The following CACNA2D2 variants were observed in gnomAD, a reference collection of about 807,000 sequenced individuals.
CACNA2D2 encodes the protein voltage-dependent calcium channel subunit alpha-2/delta-2.
CACNA2D2 carries 48 observed loss-of-function variants against 166.4 expected under a neutral mutation model. The ratio of observed to expected loss-of-function variants is 0.29; its 90% CI spans 0.23 to 0.37. The LOEUF (loss-of-function observed/expected upper bound fraction) is 0.37, where lower values mean the gene tolerates loss of function less well. Ranked by LOEUF, CACNA2D2 falls within the 10% of genes least tolerant of loss-of-function variation. CACNA2D2 has a pLI of 1.00. For synonymous variants in CACNA2D2, 561 were observed against 573.7 expected, an observed-to-expected ratio of 0.98 and a Z score of 0.32; for missense variants, 1,122 against 1,433.0, an observed-to-expected ratio of 0.78 and a Z score of 3.50.
intron 3 of CACNA2D2, among the ~76,000 whole-genome samples, chr3:50,432,588 C>T (rs1708122624): frequency 6.6e-6 from 1 of 152,168 alleles, no homozygotes; most frequent in Admixed American, 6.5e-5. Flanking sequence ...GAAGGTGGGG[C>T]GCGATGCACT....
chr3:50,455,016 G>A (rs1709287586), intron 2 of CACNA2D2, among the ~76,000 whole-genome samples: 1 of 152,250 alleles, frequency 6.6e-6, no homozygotes, highest in South Asian at 2.1e-4. Flanking sequence ...TTCGGCCCTA[G>A]GGATAGAACA....
At chr3:50,381,886 T>C (rs1279568381) in intron 6 of CACNA2D2, among the ~76,000 whole-genome samples, 1 of 151,746 alleles carries the variant, frequency 6.6e-6, no homozygotes, top group Non-Finnish European at 1.5e-5. Flanking sequence ...CACTCATGGG[T>C]CCTGCTCACA....
chr3:50,476,413 C>T (rs983080451), intron 1 of CACNA2D2, among the ~76,000 whole-genome samples: 12 of 152,124 alleles, frequency 7.9e-5, no homozygotes, highest in Middle Eastern at 3.2e-3. Context: ...TGTGGGGTGG[C>T]GAGGAGGAGA....
intron 3 of CACNA2D2, among the ~76,000 whole-genome samples, chr3:50,401,413 G>A (rs1268289405): frequency 1.3e-5 from 2 of 152,154 alleles, no homozygotes; most frequent in Non-Finnish European, 2.9e-5. Context: ...ATCAGTGCCT[G>A]CACCCCCTCA....
At chr3:50,413,986 A>G (rs1707154654) in intron 3 of CACNA2D2, among the ~76,000 whole-genome samples, 2 of 148,056 alleles carry the variant, frequency 1.4e-5, no homozygotes, top group East Asian at 2.0e-4. Flanking sequence ...GGACATCCCT[A>G]AAGTAGCTGA....
At chr3:50,411,406 C>T (rs1317313705) in intron 3 of CACNA2D2, among the ~76,000 whole-genome samples, 1 of 152,148 alleles carries the variant, frequency 6.6e-6, no homozygotes, top group Non-Finnish European at 1.5e-5. Context: ...CTGGCCCCAC[C>T]AGAGTGGAGG....
chr3:50,438,816 G>A (rs1192494266), intron 2 of CACNA2D2, among the ~76,000 whole-genome samples: 2 of 152,208 alleles, frequency 1.3e-5, no homozygotes, highest in Non-Finnish European at 2.9e-5. Flanking sequence ...TGGAAGGGGA[G>A]AGGAAAAGGA....
chr3:50,472,188 C>T (rs1236649118), intron 2 of CACNA2D2, among the ~76,000 whole-genome samples: 3 of 152,254 alleles, frequency 2.0e-5, no homozygotes, highest in Non-Finnish European at 4.4e-5. Flanking sequence ...GTGGAGACAG[C>T]AGCCAGGGCC....
intron 1 of CACNA2D2, among the ~76,000 whole-genome samples, chr3:50,502,950 C>A (rs1034764318): frequency 6.6e-6 from 1 of 152,228 alleles, no homozygotes; most frequent in Non-Finnish European, 1.5e-5. Context: ...CCCCCCAACT[C>A]CTCCCGGGGC....
At position 50,367,898 on chromosome 3, in the gene CACNA2D2, G is replaced by A. The variant is rs764387395; in HGVS notation, c.2148C>T (p.Asn716=). The A allele has an allele frequency of 6.7e-7, 1 of 1,494,080 alleles. No homozygotes were observed. The highest frequency in any genetic ancestry group is 1.7e-5 in the Admixed American group (1 of 57,198). 92.6% of individuals were successfully genotyped at this position (1,494,080 alleles called of 1,614,324 possible). A position where few individuals can be genotyped will look rare whatever the true frequency, so the allele number is the denominator to read the frequency against. ...EKVTPDSKQC[N]NFLLHNLILD... ...AGATCAGGTTGTGCAGAAGGAAGTT[G>A]TTGCCTGGAACAGGAGGGGAGGGGT... Residue 716 remains asparagine, a synonymous_variant, in exon 25 of 38, where the codon AAC becomes AAT. Transcript: ENST00000424201. The surrounding 1 kb of genome is among the most constrained non-coding windows in gnomAD (Gnocchi z 6.5).
intron 3 of CACNA2D2, among the ~76,000 whole-genome samples, chr3:50,425,973 C>T (rs899076568): frequency 1.3e-5 from 2 of 152,182 alleles, no homozygotes; most frequent in Non-Finnish European, 2.9e-5. Flanking sequence ...CCAGCAACCC[C>T]CAGTCGAGGT....
At chr3:50,479,881 T>C (rs770114101) in intron 1 of CACNA2D2, among the ~76,000 whole-genome samples, 1 of 152,216 alleles carries the variant, frequency 6.6e-6, no homozygotes, top group Non-Finnish European at 1.5e-5. Context: ...CCCACATCTT[T>C]GTAATTTTCC....
chr3:50,364,895 T>C lies in CACNA2D2; in HGVS notation c.3284A>G (p.Asn1095Ser), dbSNP rs1013917171. 5.0e-6 allele frequency: 8 copies of C among 1,613,290 alleles called. No individual in the cohort carries two copies. The highest frequency in any genetic ancestry group is 6.8e-6 in the Non-Finnish European group (8 of 1,179,882). The change falls in exon 37 of 38, where the codon AAC becomes AGC. Residue 1095 changes from asparagine to serine, a missense_variant. Around this residue, in one of 2 missense-constraint regions of CACNA2D2, gnomAD observed 282 missense variants for 266.2 expected, o/e 1.06. Coordinates refer to ENST00000424201, the MANE Select transcript of CACNA2D2 (RefSeq NM_006030.4). ...RRGPHICFDY[N>S]ATEDTSDCGR... ...ACCGCCCCCTCTCCTCACTGTCGCGTTGTAGTCGAAGCAGATGTGCGGGCC... is the reference window on the plus strand; with the variant it reads ...ACCGCCCCCTCTCCTCACTGTCGCGCTGTAGTCGAAGCAGATGTGCGGGCC...
intron 3 of CACNA2D2, among the ~76,000 whole-genome samples, chr3:50,429,540 C>T (rs554739763): frequency 7.3e-6 from 1 of 137,106 alleles, no homozygotes; most frequent in Non-Finnish European, 1.5e-5. Flanking sequence ...ATCACGAGGT[C>T]AGGAGATCGA....
intron 3 of CACNA2D2, among the ~76,000 whole-genome samples, chr3:50,423,312 GAC>G (rs113063584): frequency 0.011 from 1,724 of 152,380 alleles, 31 homozygotes; most frequent in African/African-American, 0.039. Context: ...GATGACTGGG[GAC>G]ACAGGGGAGG....
At chr3:50,489,130 T>C (rs950141624) in intron 1 of CACNA2D2, among the ~76,000 whole-genome samples, 2 of 152,120 alleles carry the variant, frequency 1.3e-5, no homozygotes, top group Non-Finnish European at 2.9e-5. Context: ...CTATGAAACA[T>C]AGGAAATGTG....
chr3:50,365,667 GAGA>G lies in CACNA2D2; in HGVS notation c.2934_2936del (p.Leu979del). 6.3e-7 allele frequency: 1 copy of G among 1,584,774 alleles called. No individual in the cohort carries two copies. The highest frequency in any genetic ancestry group is 8.6e-7 in the Non-Finnish European group (1 of 1,165,776). ...ACCAGCTGTGGTAGATGAGGCCGTAGAGAAGCTGCTGGAACAGGGACCTGCAGC... is the reference window on the plus strand; with the variant it reads ...ACCAGCTGTGGTAGATGAGGCCGTAGAGCTGCTGGAACAGGGACCTGCAGC... On this transcript the variant is annotated inframe_deletion, in exon 34 of 38. Coordinates refer to ENST00000424201, the MANE Select transcript of CACNA2D2 (RefSeq NM_006030.4). This position sits in a 1 kb window ranked among gnomAD's most constrained non-coding sequence, Gnocchi z 4.5.
chr3:50,469,887 A>G (rs1709990257), intron 2 of CACNA2D2, among the ~76,000 whole-genome samples: 1 of 152,038 alleles, frequency 6.6e-6, no homozygotes, highest in African/African-American at 2.4e-5. Context: ...TCCCACTCCA[A>G]GCTGTTCCCC....
chr3:50,393,219 G>C (rs1413049072), intron 4 of CACNA2D2, among the ~76,000 whole-genome samples: 1 of 152,194 alleles, frequency 6.6e-6, no homozygotes, highest in African/African-American at 2.4e-5. Context: ...GATGTGCCTG[G>C]CCCAGAGCTG....
Sources: allele counts gnomAD v4.1 joint callset (sites outside exome capture counted in the v4.1 genomes callset), GRCh38; gene constraint gnomAD v4.1.1; regional missense constraint gnomAD v4.1.1; non-coding constraint Gnocchi (gnomAD v3.1); transcripts MANE v1.5; gene names NCBI Gene and HGNC (gene_info 2026-07-23, HGNC 2026-07-21).